RNF115: variants seen among roughly 807,000 people sequenced by gnomAD.
RNF115 encodes E3 ubiquitin-protein ligase RNF115.
A neutral mutation model predicts 39.2 loss-of-function variants in RNF115; 31 were observed. The ratio of observed to expected loss-of-function variants is 0.79; its 90% CI spans 0.59 to 1.07. The LOEUF is 1.07. Ranked by LOEUF, RNF115 falls within the 50% of genes least tolerant of loss-of-function variation. The pLI is 0.00. For missense variants in RNF115, 384 were observed against 381.7 expected (o/e 1.01, Z -0.05); for synonymous variants, 124 against 131.0 (o/e 0.95, Z 0.37).
rs1350011358 is a variant in RNF115, at chr1:145,743,451, T to C, written c.*3415A>G. 1 of 152,176 alleles carries C rather than the reference T, an allele frequency of 6.6e-6. No individual in the cohort carries two copies. 9.4% of individuals were successfully genotyped at this position (152,176 alleles called of 1,614,324 possible). A position where few individuals can be genotyped will look rare whatever the true frequency, so the allele number is the denominator to read the frequency against. ...CTGGCCCACTGCAGATCTTGGGATT[T>C]CTCAAACTCCATTATTGTGTGAACC... On this transcript the variant is annotated 3_prime_UTR_variant, in exon 9 of 9. Coordinates refer to ENST00000582693, the MANE Select transcript of RNF115 (RefSeq NM_014455.4).
At chr1:145,760,279 G>A (rs925429315) in intron 4 of RNF115, among the ~76,000 whole-genome samples, 1 of 152,116 alleles carries the variant, frequency 6.6e-6, no homozygotes, top group Non-Finnish European at 1.5e-5. Context: ...AAATTAGCTG[G>A]GCCTAGTGCT....
chr1:145,776,091 G>GGC (rs1553716508), intron 3 of RNF115, among the ~76,000 whole-genome samples: 5 of 35,084 alleles, frequency 1.4e-4, no homozygotes, highest in South Asian at 1.1e-3. Context: ...CACAGGGTAA[G>GGC]GGGGGGGCTA....
chr1:145,791,444 C>G (rs1191023451), intron 1 of RNF115, among the ~76,000 whole-genome samples: 2 of 146,680 alleles, frequency 1.4e-5, no homozygotes, highest in African/African-American at 5.1e-5. Context: ...CCCAGGAGGT[C>G]AAGGTTGGAG....
Position 145,750,402 on chromosome 1 carries a change from C to T in RNF115, c.667+5G>A, listed in dbSNP as rs1553712303. 1.2e-6 allele frequency: 2 copies of T among 1,602,438 alleles called. No homozygotes were observed. Among genetic ancestry groups the T allele is most frequent in the Admixed American group, 3.3e-5 (2 of 59,826 alleles). On this transcript the variant is annotated splice_donor_5th_base_variant and intron_variant, in intron 7 of 8. Coordinates refer to ENST00000582693, the MANE Select transcript of RNF115 (RefSeq NM_014455.4). ...ATGACAGAATAAGTATAAAAATGAA[C>T]CTACCAACTTGTTCCTGAGTTACTG...
At chr1:145,811,276 C>G (rs1553722470) in intron 1 of RNF115, among the ~76,000 whole-genome samples, 1 of 146,822 alleles carries the variant, frequency 6.8e-6, no homozygotes, top group Non-Finnish European at 1.5e-5. Context: ...AATCTCAGCA[C>G]TTTGGGAGGC....
At chr1:145,762,461 C>A (rs1266157979) in intron 4 of RNF115, among the ~76,000 whole-genome samples, 1 of 151,108 alleles carries the variant, frequency 6.6e-6, no homozygotes, top group Non-Finnish European at 1.5e-5. Context: ...CTAATACAGG[C>A]CCCAATCAAA....
intron 1 of RNF115, among the ~76,000 whole-genome samples, chr1:145,797,979 A>C (rs1649057698): frequency 6.6e-6 from 1 of 152,100 alleles, no homozygotes; most frequent in East Asian, 1.9e-4. Flanking sequence ...TCATTTGCCT[A>C]TTTTTTAATC....
intron 8 of RNF115, 69 bp downstream of exon 8, chr1:145,747,926 T>C: frequency 2.0e-6 from 2 of 1,018,202 alleles, no homozygotes; most frequent in Non-Finnish European, 3.1e-6. Context: ...TACTTGGATC[T>C]CGAGGAACTG....
rs1245378192 is a variant in RNF115 at position 145,824,031 on chromosome 1, C to T, written c.-158G>A. On this transcript the variant is annotated 5_prime_UTR_variant, in exon 1 of 9. Coordinates refer to ENST00000582693, the MANE Select transcript of RNF115 (RefSeq NM_014455.4). ...CGTGAGTTGGCCAGGCCCAGAAACG[C>T]GGCGGCGCCAACAGCTACCCTGCGG... is the stretch of plus-strand genomic sequence containing the variant. The T allele has an allele frequency of 3.9e-6, 2 of 517,766 alleles. No individual in the cohort carries two copies. The highest frequency in any genetic ancestry group is 2.0e-5 in the African/African-American group (1 of 48,974). 32.1% of individuals were successfully genotyped at this position (517,766 alleles called of 1,614,324 possible). A position where few individuals can be genotyped will look rare whatever the true frequency, so the allele number is the denominator to read the frequency against.
At chr1:145,776,872 A>G (rs782057568) in intron 3 of RNF115, among the ~76,000 whole-genome samples, 4 of 152,166 alleles carry the variant, frequency 2.6e-5, no homozygotes, top group Non-Finnish European at 5.9e-5. Context: ...TGGTGACATA[A>G]AACACCTTTT....
intron 4 of RNF115, among the ~76,000 whole-genome samples, chr1:145,767,430 A>G (rs1323230953): frequency 2.4e-4 from 33 of 138,978 alleles, no homozygotes; most frequent in Non-Finnish European, 2.5e-4. Context: ...CCGGGCAGAG[A>G]CGCTCCTCAC....
At chr1:145,817,040 G>C (rs1488274296) in intron 1 of RNF115, among the ~76,000 whole-genome samples, 1 of 60,006 alleles carries the variant, frequency 1.7e-5, no homozygotes, top group African/African-American at 4.8e-5. Flanking sequence ...ATGCATAGGA[G>C]AATGGTGAGG....
chr1:145,790,000 G>A (rs587734694), intron 1 of RNF115, among the ~76,000 whole-genome samples: 137 of 151,840 alleles, frequency 9.0e-4, no homozygotes, highest in Middle Eastern at 6.8e-3. Context: ...GCCCAGTCCC[G>A]GCCTAGTTTT....
At chr1:145,763,509 C>A (rs1658613075) in intron 4 of RNF115, among the ~76,000 whole-genome samples, 1 of 152,202 alleles carries the variant, frequency 6.6e-6, no homozygotes, top group African/African-American at 2.4e-5. Context: ...ACCAGCCTGG[C>A]CAACATGGCA....
intron 1 of RNF115, among the ~76,000 whole-genome samples, chr1:145,799,024 T>G (rs1027312863): frequency 7.2e-5 from 11 of 152,082 alleles, no homozygotes; most frequent in African/African-American, 2.7e-4. Context: ...CTTTGCTGAA[T>G]TCATTTATTA....
chr1:145,795,549 C>T (rs10797657), intron 1 of RNF115, among the ~76,000 whole-genome samples: 5,541 of 152,112 alleles, frequency 0.036, 337 homozygotes, highest in African/African-American at 0.13. Context: ...CACTGATTGG[C>T]GCATTTACAA....
In RNF115 at chr1:145,750,967, A is replaced by G. The variant is rs184791881; in HGVS notation, c.574-467T>C. On this transcript the variant is annotated intron_variant, in intron 6 of 8. Transcript: ENST00000582693. ...ATGCTTTCTAGTCTCAGAAATCCAC[A>G]ACGGAAATGAAAAACCAATCAAATT... Among the ~76,000 whole-genome samples the G allele has an allele frequency of 1.6e-4, 25 of 152,356 alleles. No individual in the cohort carries two copies. In the East Asian group the frequency reaches 3.7e-3, roughly 22 times the overall value.
At chr1:145,774,273 A>G (rs1160823778) in intron 3 of RNF115, among the ~76,000 whole-genome samples, 1 of 150,244 alleles carries the variant, frequency 6.7e-6, no homozygotes, top group East Asian at 2.0e-4. Flanking sequence ...TTTACCAGCC[A>G]TTCATATGTC....
chr1:145,793,734 T>C (rs1648794421), intron 1 of RNF115, among the ~76,000 whole-genome samples: 1 of 152,118 alleles, frequency 6.6e-6, no homozygotes, highest in African/African-American at 2.4e-5. Context: ...TAAGTCCTGG[T>C]ACTCCAAACA....
Sources: allele counts gnomAD v4.1 joint callset (sites outside exome capture counted in the v4.1 genomes callset), GRCh38; gene constraint gnomAD v4.1.1; transcripts MANE v1.5; gene names NCBI Gene and HGNC (gene_info 2026-07-23, HGNC 2026-07-21).